NINL: variants seen among roughly 807,000 people sequenced by gnomAD.
The protein encoded by NINL is ninein like.
NINL carries 153 observed loss-of-function variants against 160.3 expected under a neutral mutation model. That is an observed-to-expected ratio of 0.95 (90% CI 0.84 to 1.09). The LOEUF (loss-of-function observed/expected upper bound fraction) is 1.09. Among genes scored for constraint, NINL ranks in the 50% least tolerant of loss-of-function variants. NINL has a pLI of 0.00. For synonymous variants in NINL, 800 were observed against 734.8 expected (o/e 1.09, Z -1.43); for missense variants, 1,829 against 1,764.0 (o/e 1.04, Z -0.66).
intron 1 of NINL, among the ~76,000 whole-genome samples, chr20:25,579,821 C>A (rs1211448015): frequency 1.3e-5 from 2 of 152,186 alleles, no homozygotes; most frequent in Non-Finnish European, 2.9e-5. Flanking sequence ...CGGTGAACTC[C>A]CTGTTTATTT....
chr20:25,458,147 C>T (rs8115804), intron 22 of NINL, among the ~76,000 whole-genome samples: 46,893 of 152,094 alleles, frequency 0.31, 8,372 homozygotes, highest in Non-Finnish European at 0.41. Flanking sequence ...ATGGCGCCAC[C>T]GCTCCTTCAC....
intron 2 of NINL, among the ~76,000 whole-genome samples, chr20:25,519,944 C>T (rs1337564555): frequency 8.7e-6 from 1 of 114,816 alleles, no homozygotes; most frequent in Non-Finnish European, 1.6e-5. Context: ...GTCGAGGCTA[C>T]AGTGAGCCAA....
In NINL at chr20:25,491,475, A is replaced by C; in HGVS notation, c.1361T>G (p.Val454Gly). Reference protein sequence around the residue: ...RERLSLLRSEVEAERELFWEQ... With the variant: ...RERLSLLRSEGEAERELFWEQ... ...CCAGAACAGCTCTCGCTCCGCCTCC[A>C]CCTCAGACCGCAGGAGGCTCAGCCT... is the stretch of plus-strand genomic sequence containing the variant. The change falls in exon 11 of 24, where the codon GTG becomes GGG. Residue 454 changes from valine to glycine, a missense_variant. Physicochemically the swap from Val to Gly is moderately radical, Grantham distance 109. Transcript: ENST00000278886. 1.9e-6 allele frequency: 3 copies of C among 1,613,876 alleles called. No individual in the cohort carries two copies. Among genetic ancestry groups the C allele is most frequent in the Non-Finnish European group, 1.7e-6 (2 of 1,179,936 alleles).
rs190086702 is a variant in NINL, at chr20:25,483,089, C to T, written c.1678-989G>A. On this transcript the variant is annotated intron_variant, in intron 13 of 23. Transcript: ENST00000278886. ...GTGGCTCATGCCTGTAATCCCAGCA[C>T]TTTGGGAGGCTGAGGTGGGCAGATC... Among the ~76,000 whole-genome samples the T allele has an allele frequency of 1.2e-3, 182 of 150,952 alleles. 10 individuals are homozygous for T. The highest frequency in any genetic ancestry group is 4.3e-3 in the African/African-American group (174 of 40,474).
intron 1 of NINL, among the ~76,000 whole-genome samples, chr20:25,570,694 CTTT>C (rs57981279): frequency 3.3e-5 from 3 of 91,010 alleles, no homozygotes; most frequent in Non-Finnish European, 6.0e-5. Flanking sequence ...GGCAAGTAGA[CTTT>C]TTTTTTTTTT....
chr20:25,476,837 G>A lies in NINL; in HGVS notation c.2454C>T (p.Asp818=), dbSNP rs142117050. 9.9e-6 allele frequency: 16 copies of A among 1,613,182 alleles called. No homozygotes were observed. The highest frequency in any genetic ancestry group is 1.3e-5 in the Non-Finnish European group (15 of 1,179,916). The change falls in exon 17 of 24, where the codon GAC becomes GAT. Residue 818 remains aspartate (D), a synonymous_variant. Transcript: ENST00000278886. ...ELELARGKRV[D]GPSLEAEMQA... is the part of the protein sequence containing the mutation. The stretch of plus-strand genomic sequence containing the variant: ...GCATCTCTGCTTCCAGGGAGGGCCC[G>A]TCCACTCGCTTCCCGCGGGCAAGCT...
rs755230297 is a variant in NINL at position 25,453,567 on chromosome 20, G to A, written c.4033C>T (p.Gln1345Ter). 1 of 1,614,192 alleles carries A rather than the reference G, an allele frequency of 6.2e-7. No individual in the cohort carries two copies. Among genetic ancestry groups the A allele is most frequent in the Non-Finnish European group, 8.5e-7 (1 of 1,180,032 alleles). ...VENAHLVRAL[Q>*]ATEEKQRGAE... ...CCTCGCTGCTTCTCCTCGGTGGCCT[G>A]AAGTGCTCTCACCAGGTGGGCGTTC... is the stretch of plus-strand genomic sequence containing the variant. Residue 1345 changes from glutamine (Q) to a stop codon, truncating the protein, a stop_gained, in exon 24 of 24, where the codon CAG becomes TAG. Transcript: ENST00000278886. LOFTEE classifies it low-confidence loss of function (END_TRUNC).
chr20:25,490,563 G>GAA (rs59001259), intron 11 of NINL, among the ~76,000 whole-genome samples: 18 of 79,800 alleles, frequency 2.3e-4, no homozygotes, highest in African/African-American at 4.7e-4. Flanking sequence ...CCATCTCAAG[G>GAA]AAAAAAAAAA....
chr20:25,513,234 T>C (rs949703455), intron 3 of NINL, among the ~76,000 whole-genome samples: 1 of 152,228 alleles, frequency 6.6e-6, no homozygotes, highest in Non-Finnish European at 1.5e-5. Flanking sequence ...AGAGGAGGAC[T>C]TTCCCCTAAA....
chr20:25,476,135 C>T lies in NINL; in HGVS notation c.3156G>A (p.Glu1052=), dbSNP rs2063227840. Residue 1052 remains glutamate, a synonymous_variant, in exon 17 of 24, where the codon GAG becomes GAA. Coordinates refer to ENST00000278886, the MANE Select transcript of NINL (RefSeq NM_025176.6). ...PEEGETKIAL[E]REKDDMETKL... is the part of the protein sequence containing the mutation. ...TGGTTTCCATGTCATCCTTCTCTCTCTCCAGCGCTATTTTGGTCTCCCCCT... is the reference window on the plus strand; with the variant it reads ...TGGTTTCCATGTCATCCTTCTCTCTTTCCAGCGCTATTTTGGTCTCCCCCT... 2.5e-6 allele frequency: 4 copies of T among 1,614,246 alleles called. No individual in the cohort carries two copies. The highest frequency in any genetic ancestry group is 3.4e-6 in the Non-Finnish European group (4 of 1,180,050).
At chr20:25,500,309 C>T (rs2063842161) in intron 8 of NINL, among the ~76,000 whole-genome samples, 1 of 152,234 alleles carries the variant, frequency 6.6e-6, no homozygotes. Context: ...ACCACATCTT[C>T]CCTCCCAGGC....
intron 1 of NINL, among the ~76,000 whole-genome samples, chr20:25,535,757 C>G (rs1170417316): frequency 1.3e-5 from 2 of 152,146 alleles, no homozygotes; most frequent in Non-Finnish European, 2.9e-5. Context: ...AACTGCCCAA[C>G]TCTGTTCTCC....
intron 8 of NINL, 60 bp from the exon 9 acceptor site, chr20:25,498,406 C>T: frequency 6.3e-7 from 1 of 1,593,204 alleles, no homozygotes; most frequent in Non-Finnish European, 8.5e-7. Flanking sequence ...GCAGACACCT[C>T]TTTGCTCCCT....
chr20:25,513,036 G>A, intron 3 of NINL, 30 bp from the exon 4 acceptor site: 1 of 1,585,744 alleles, frequency 6.3e-7, no homozygotes, highest in Non-Finnish European at 8.6e-7. Context: ...TTTGGTGGGG[G>A]TCCTTTATAG....
Position 25,504,023 on chromosome 20 carries a change from T to C in NINL, c.790A>G (p.Ser264Gly), listed in dbSNP as rs759036701. 6.8e-6 allele frequency: 11 copies of C among 1,613,320 alleles called. No homozygotes were observed. The South Asian group carries it at 1.2e-4, about 18-fold the overall frequency. ...TCTAGAAGTAGCGCGGGCTCATGAC[T>C]GAAGAGGCCAAGCTGGAATTCCTCA... ...SLEEFQLGLF[S>G]HEPALLLESS... The change falls in exon 7 of 24, where the codon AGT becomes GGT. Residue 264 changes from serine to glycine, a missense_variant. Transcript: ENST00000278886.
intron 15 of NINL, among the ~76,000 whole-genome samples, chr20:25,479,719 A>T (rs1392407042): frequency 2.0e-5 from 3 of 152,202 alleles, no homozygotes; most frequent in Non-Finnish European, 4.4e-5. Flanking sequence ...AAGCCACCAC[A>T]GTCTAGGAAC....
At chr20:25,508,122 A>G (rs1004346913) in intron 5 of NINL, among the ~76,000 whole-genome samples, 1 of 152,228 alleles carries the variant, frequency 6.6e-6, no homozygotes, top group African/African-American at 2.4e-5. Context: ...GCACACAGGA[A>G]TCTGCCTGCT....
chr20:25,473,493 A>G (rs6132839), intron 17 of NINL, among the ~76,000 whole-genome samples: 1 of 113,738 alleles, frequency 8.8e-6, no homozygotes, highest in African/African-American at 3.5e-5. Context: ...AAATAATAAA[A>G]TAAATAAAAT....
chr20:25,503,271 A>T (rs1330104733), intron 7 of NINL, among the ~76,000 whole-genome samples: 1 of 135,216 alleles, frequency 7.4e-6, no homozygotes, highest in Admixed American at 7.5e-5. Flanking sequence ...GCAGGTGGGC[A>T]CCTGAGCAGC....
Sources: gnomAD v4.1 joint callset for allele counts (sites outside exome capture counted in the v4.1 genomes callset) on GRCh38, gnomAD v4.1.1 for gene constraint, MANE v1.5 for transcripts, NCBI Gene and HGNC (gene_info 2026-07-23, HGNC 2026-07-21) for gene names.